Variants in LILRA2 observed in about 807,000 individuals in gnomAD.
LILRA2 encodes leukocyte immunoglobulin like receptor A2.
Under a neutral mutation model 47.9 loss-of-function variants are expected in LILRA2, and 45 were observed. That is an observed-to-expected ratio of 0.94 (90% CI 0.74 to 1.20). The LOEUF is 1.20. LILRA2 is among the 50% of genes most tolerant of loss of function. The pLI, the probability that LILRA2 is intolerant of heterozygous loss-of-function variation, is 0.00. For missense variants in LILRA2, 651 were observed against 598.2 expected (o/e 1.09, Z -0.92); for synonymous variants, 279 against 249.2 (o/e 1.12, Z -1.13).
rs777048329 is a variant in LILRA2, at chr19:54,587,068, A to T, written c.1306+8A>T. On this transcript the variant is annotated splice_region_variant and intron_variant, in intron 7 of 7. Coordinates refer to ENST00000391738, the MANE Select transcript of LILRA2 (RefSeq NM_001130917.3). Reference sequence around the variant, plus strand: ...AGACAGACTCCACGACTAGTGAGTGAGGAGATGCTCTCAGTTATGGGACTG... The same window carrying T: ...AGACAGACTCCACGACTAGTGAGTGTGGAGATGCTCTCAGTTATGGGACTG... 3.7e-6 allele frequency: 6 copies of T among 1,613,136 alleles called. No homozygotes were observed. The highest frequency in any genetic ancestry group is 5.1e-6 in the Non-Finnish European group (6 of 1,179,142).
At chr19:54,586,417 G>T (rs1339522275) in intron 6 of LILRA2, among the ~76,000 whole-genome samples, 1 of 152,116 alleles carries the variant, frequency 6.6e-6, no homozygotes, top group Non-Finnish European at 1.5e-5. Flanking sequence ...TGCATTCTAG[G>T]GGTTACTGCC....
chr19:54,574,841 T>G lies in LILRA2; in HGVS notation c.463T>G (p.Cys155Gly). The G allele has an allele frequency of 6.2e-7, 1 of 1,614,208 alleles. No homozygotes were observed. Among genetic ancestry groups the G allele is most frequent in the Non-Finnish European group, 8.5e-7 (1 of 1,180,036 alleles). ...SQVAFDGFIL[C>G]KEGEDEHPQR... is the part of the protein sequence containing the mutation. ...GGTGGCATTTGACGGCTTCATTCTG[T>G]GTAAGGAAGGAGAAGATGAACACCC... Residue 155 changes from cysteine to glycine, a missense_variant, in exon 4 of 8, where the codon TGT becomes GGT. By Grantham distance (159) the Cys-to-Gly change is radical (BLOSUM62 -3). Transcript: ENST00000391738.
Position 54,583,424 on chromosome 19 carries a change from C to T in LILRA2, c.1256-3586C>T, listed in dbSNP as rs139145856. Among the ~76,000 whole-genome samples the T allele has an allele frequency of 9.3e-3, 1,416 of 152,178 alleles. 21 individuals are homozygous for T. The highest frequency in any genetic ancestry group is 0.032 in the African/African-American group (1,348 of 41,502). ...TGGGAGTCTAAGTCTTTTTGTAGGT[C>T]TCTAAGGACTTGGTTTTTGAATCTG... is the stretch of plus-strand genomic sequence containing the variant. On this transcript the variant is annotated intron_variant, in intron 6 of 7. Coordinates refer to ENST00000391738, the MANE Select transcript of LILRA2 (RefSeq NM_001130917.3).
Position 54,588,795 on chromosome 19 carries a change from T to A in LILRA2, c.*1449T>A, listed in dbSNP as rs78355464. On this transcript the variant is annotated 3_prime_UTR_variant, in exon 8 of 8. Coordinates refer to ENST00000391738, the MANE Select transcript of LILRA2 (RefSeq NM_001130917.3). ...ATTCTCCTGCCTCTGCCTCCCGAGT[T>A]ACTGGACTACAGGTGTGCACCACCA... is the stretch of plus-strand genomic sequence containing the variant. 13,642 of 151,450 alleles carry A rather than the reference T, an allele frequency of 0.09. 831 individuals are homozygous for A. The highest frequency in any genetic ancestry group is 0.29 in the East Asian group (1,477 of 5,012). The allele number at this position is 151,450 out of a possible 1,614,324, so 9.4% of individuals were successfully genotyped here.
intron 6 of LILRA2, among the ~76,000 whole-genome samples, chr19:54,576,463 C>T (rs1227254982): frequency 6.7e-6 from 1 of 150,158 alleles, no homozygotes; most frequent in East Asian, 2.0e-4. Flanking sequence ...TGTCCTGACC[C>T]CATGGGTGAC....
rs546006474 is a variant in LILRA2 at position 54,585,743 on chromosome 19, G to T, written c.1256-1267G>T. ...AAAGGGAAATCCTCCGACCCCTTGT[G>T]CTTCCCAGGTGAGGCGACACCCCAT... is the stretch of plus-strand genomic sequence containing the variant. On this transcript the variant is annotated intron_variant, in intron 6 of 7. Transcript: ENST00000391738. Among the ~76,000 whole-genome samples the T allele has an allele frequency of 2.8e-3, 426 of 152,284 alleles. 1 individual carries two copies. Among genetic ancestry groups the T allele is most frequent in the African/African-American group, 9.9e-3 (410 of 41,560 alleles).
chr19:54,576,053 G>A lies in LILRA2; in HGVS notation c.1199G>A (p.Ser400Asn). ...ACCTACAGATGCTACAGCTCACTCAGCTCCAACCCCTACCTGCTGTCTCTC... is the reference window on the plus strand; with the variant it reads ...ACCTACAGATGCTACAGCTCACTCAACTCCAACCCCTACCTGCTGTCTCTC... ...VGTYRCYSSL[S>N]SNPYLLSLPS... Residue 400 changes from serine to asparagine, a missense_variant, in exon 6 of 8, where the codon AGC (serine) becomes AAC (asparagine). Transcript: ENST00000391738. 6.2e-7 allele frequency: 1 copy of A among 1,613,954 alleles called. No homozygotes were observed. Among genetic ancestry groups the A allele is most frequent in the East Asian group, 2.2e-5 (1 of 44,832 alleles).
Position 54,587,511 on chromosome 19 carries a change from G to C in LILRA2, c.*165G>C, listed in dbSNP as rs1197024177. The C allele has an allele frequency of 1.7e-6, 2 of 1,156,272 alleles. No homozygotes were observed. The highest frequency in any genetic ancestry group is 3.1e-5 in the African/African-American group (2 of 63,990). 71.6% of individuals were successfully genotyped at this position (1,156,272 alleles called of 1,614,324 possible). On this transcript the variant is annotated 3_prime_UTR_variant, in exon 8 of 8. Coordinates refer to ENST00000391738, the MANE Select transcript of LILRA2 (RefSeq NM_001130917.3). ...ATTTGAGTGTAAGGAAACTGTCTGGGGTGATTCCTAGAAGATCATTAAACT... is the reference window on the plus strand; with the variant it reads ...ATTTGAGTGTAAGGAAACTGTCTGGCGTGATTCCTAGAAGATCATTAAACT...
At chr19:54,573,162 T>G (rs2062194608), upstream of LILRA2, 1 of 286,060 alleles carries the variant, frequency 3.5e-6, no homozygotes. Context: ...TTTTTGCTTT[T>G]TTTATACAGA....
intron 6 of LILRA2, among the ~76,000 whole-genome samples, chr19:54,576,722 C>T (rs1399673092): frequency 1.3e-5 from 2 of 152,272 alleles, no homozygotes; most frequent in African/African-American, 2.4e-5. Flanking sequence ...AGCAGGATTC[C>T]CAGGAGCCGT....
At chr19:54,584,048 T>C (rs563030896) in intron 6 of LILRA2, among the ~76,000 whole-genome samples, 2 of 152,342 alleles carry the variant, frequency 1.3e-5, no homozygotes, top group South Asian at 2.1e-4. Flanking sequence ...TTTGGCTTGA[T>C]ATGACAGTCT....
At chr19:54,577,790 C>A in intron 6 of LILRA2, 1 of 1,017,784 alleles carries the variant, frequency 9.8e-7, no homozygotes, top group Non-Finnish European at 1.2e-6. Flanking sequence ...ATGCACTTGT[C>A]CTTTGTTACT....
At position 54,590,123 on chromosome 19, in the gene LILRA2, T is replaced by C. The variant is rs2062901316; in HGVS notation, c.*2777T>C. The C allele has an allele frequency of 6.6e-6, 1 of 152,242 alleles. No individual in the cohort carries two copies. Among genetic ancestry groups the C allele is most frequent in the South Asian group, 2.1e-4 (1 of 4,832 alleles). The allele number at this position is 152,242 out of a possible 1,614,324, so 9.4% of individuals were successfully genotyped here. ...ATTTCCTTTGCAAGTATTTATTGAC[T>C]AACATACTCCTTATTTCCTTCATTC... is the stretch of plus-strand genomic sequence containing the variant. On this transcript the variant is annotated 3_prime_UTR_variant, in exon 8 of 8. Coordinates refer to ENST00000391738, the MANE Select transcript of LILRA2 (RefSeq NM_001130917.3).
At chr19:54,573,740 CT>C, upstream of LILRA2, 1 of 1,560,252 alleles carries the variant, frequency 6.4e-7, no homozygotes, top group Non-Finnish European at 8.7e-7. Flanking sequence ...GGCAGTTGCA[CT>C]TCCTGTGTGG....
rs1600186921 is a variant in LILRA2, at chr19:54,573,803, C to T, written c.-76C>T. 1 of 1,611,814 alleles carries T rather than the reference C, an allele frequency of 6.2e-7. No individual in the cohort carries two copies. The highest frequency in any genetic ancestry group is 2.2e-5 in the East Asian group (1 of 44,844). On this transcript the variant is annotated 5_prime_UTR_variant, in exon 1 of 8. Transcript: ENST00000391738. ...GAAGGATCCAGCCTCCGAGTGTCCA[C>T]ACCCTGTGCGTCTCTCTGTCCTGCC... is the stretch of plus-strand genomic sequence containing the variant.
intron 6 of LILRA2, among the ~76,000 whole-genome samples, chr19:54,581,992 T>C (rs1400770242): frequency 6.6e-6 from 1 of 152,242 alleles, no homozygotes. Flanking sequence ...GAAGGGCTGT[T>C]GAATTTTGTC....
rs942616646 is a variant in LILRA2 at position 54,586,618 on chromosome 19, G to A, written c.1256-392G>A. 3.7e-3 allele frequency among the ~76,000 whole-genome samples: 556 copies of A among 152,186 alleles called. No individual in the cohort carries two copies. In the South Asian group the frequency reaches 0.073, roughly 20 times the overall value. On this transcript the variant is annotated intron_variant, in intron 6 of 7. Coordinates refer to ENST00000391738, the MANE Select transcript of LILRA2 (RefSeq NM_001130917.3). ...TGGCGGATCCGTGAAACTCATCTCTGGGGAGCATTGGCTTCTGTGGTCCTG... is the reference window on the plus strand; with the variant it reads ...TGGCGGATCCGTGAAACTCATCTCTAGGGAGCATTGGCTTCTGTGGTCCTG...
chr19:54,579,130 A>C (rs1166403160), intron 6 of LILRA2, among the ~76,000 whole-genome samples: 1 of 152,064 alleles, frequency 6.6e-6, no homozygotes, highest in Non-Finnish European at 1.5e-5. Context: ...CCATTTGTCT[A>C]TTTTGGCTTT....
At chr19:54,585,902 C>T (rs1009476495) in intron 6 of LILRA2, among the ~76,000 whole-genome samples, 2 of 152,118 alleles carry the variant, frequency 1.3e-5, no homozygotes, top group East Asian at 1.9e-4. Flanking sequence ...ATCTTGGAAG[C>T]GACACCTATA....
Sources: allele counts gnomAD v4.1 joint callset (sites outside exome capture counted in the v4.1 genomes callset), GRCh38; gene constraint gnomAD v4.1.1; transcripts MANE v1.5; gene names NCBI Gene and HGNC (gene_info 2026-07-23, HGNC 2026-07-21).